The following NBEA variants were observed in gnomAD, a reference collection of about 807,000 sequenced individuals.
NBEA encodes lysosomal-trafficking regulator 2.
In NBEA, 44 loss-of-function variants were observed where a neutral mutation model predicts 343.4. The ratio of observed to expected loss-of-function variants is 0.13; its 90% CI spans 0.10 to 0.16. NBEA has a LOEUF of 0.16. Among genes scored for constraint, NBEA ranks in the 10% least tolerant of loss-of-function variants. The pLI is 1.00. For missense variants in NBEA, 2,555 were observed against 3,631.3 expected, an observed-to-expected ratio of 0.70 and a Z score of 7.62; for synonymous variants, 1,175 against 1,238.7, an observed-to-expected ratio of 0.95 and a Z score of 1.08.
At chr13:35,580,851 T>G (rs1030444315) in intron 45 of NBEA, among the ~76,000 whole-genome samples, 1 of 152,206 alleles carries the variant, frequency 6.6e-6, no homozygotes, top group Non-Finnish European at 1.5e-5. Flanking sequence ...AAAGCATTAC[T>G]CTGTAAAACA....
chr13:35,555,360 A>C (rs1260548825), intron 44 of NBEA, among the ~76,000 whole-genome samples: 1 of 152,092 alleles, frequency 6.6e-6, no homozygotes, highest in East Asian at 1.9e-4. Context: ...GGTTTATTAG[A>C]GTCAACAAAC....
intron 53 of NBEA, among the ~76,000 whole-genome samples, chr13:35,653,328 C>CT (rs139682136): frequency 0.011 from 1,288 of 114,014 alleles, 18 homozygotes; most frequent in Middle Eastern, 0.028. Context: ...TTCTTGGGTT[C>CT]TTTTTTTTTT....
In NBEA at chr13:34,942,961, G is replaced by A; in HGVS notation, c.141G>A (p.Gly47=). 6.3e-7 allele frequency: 1 copy of A among 1,599,466 alleles called. No homozygotes were observed. The highest frequency in any genetic ancestry group is 8.5e-7 in the Non-Finnish European group (1 of 1,173,324). The change falls in exon 1 of 59, where the codon GGG becomes GGA. Residue 47 remains glycine, a synonymous_variant. Coordinates refer to ENST00000379939, the MANE Select transcript of NBEA (RefSeq NM_001385012.1). ...GCAGCGGGATGGGGGAGCTAAGGGG[G>A]GCGTCCGGCTCCGGCTCGGTGATGC... ...TGGSGMGELR[G]ASGSGSVMLP...
At chr13:35,034,397 T>C (rs2062360613) in intron 1 of NBEA, among the ~76,000 whole-genome samples, 1 of 152,022 alleles carries the variant, frequency 6.6e-6, no homozygotes, top group Non-Finnish European at 1.5e-5. Context: ...AATGTATTGT[T>C]GAATTTGGTG....
intron 1 of NBEA, among the ~76,000 whole-genome samples, chr13:35,010,296 G>T (rs992218740): frequency 1.3e-5 from 2 of 152,122 alleles, no homozygotes; most frequent in Non-Finnish European, 2.9e-5. Flanking sequence ...ACTCAATAAA[G>T]AAGGTAGATG....
intron 33 of NBEA, among the ~76,000 whole-genome samples, chr13:35,225,272 G>A (rs1325670968): frequency 6.6e-6 from 1 of 152,000 alleles, no homozygotes; most frequent in Non-Finnish European, 1.5e-5. Flanking sequence ...ACATGATTGG[G>A]GATCTGTAAA....
intron 10 of NBEA, among the ~76,000 whole-genome samples, chr13:35,076,710 C>T (rs572162396): frequency 1.3e-5 from 2 of 152,014 alleles, no homozygotes; most frequent in Non-Finnish European, 2.9e-5. Context: ...ATTCTGGCGA[C>T]CATGGACACA....
At position 35,281,051 on chromosome 13, in the gene NBEA, C is replaced by A. The variant is rs548981517; in HGVS notation, c.5777-9338C>A. Among the ~76,000 whole-genome samples the A allele has an allele frequency of 8.6e-5, 13 of 151,968 alleles. No homozygotes were observed. The South Asian group carries it at 2.7e-3, about 32-fold the overall frequency. Reference sequence around the variant, plus strand: ...TAGAACTTGACTCTTAAGATCTCACCATGAATTGTGGATAGTTGTGATTTG... The same window carrying A: ...TAGAACTTGACTCTTAAGATCTCACAATGAATTGTGGATAGTTGTGATTTG... On this transcript the variant is annotated intron_variant, in intron 34 of 58. Transcript: ENST00000379939.
At chr13:35,119,277 G>A (rs1394919756) in intron 16 of NBEA, among the ~76,000 whole-genome samples, 5 of 152,134 alleles carry the variant, frequency 3.3e-5, no homozygotes, top group African/African-American at 4.8e-5. Context: ...GGGATGAGCA[G>A]GATATCGAGG....
chr13:35,060,737 A>T (rs1032237641), intron 8 of NBEA, among the ~76,000 whole-genome samples: 4 of 151,480 alleles, frequency 2.6e-5, no homozygotes, highest in African/African-American at 9.7e-5. Context: ...AAATTCAGAG[A>T]ATATAGGGAA....
intron 47 of NBEA, among the ~76,000 whole-genome samples, chr13:35,602,259 A>T (rs58606395): frequency 1.3e-5 from 2 of 152,358 alleles, no homozygotes; most frequent in East Asian, 3.9e-4. Flanking sequence ...AATATAAATT[A>T]TACTAATGTC....
intron 41 of NBEA, among the ~76,000 whole-genome samples, chr13:35,531,599 C>A (rs2078266031): frequency 6.6e-6 from 1 of 152,120 alleles, no homozygotes; most frequent in African/African-American, 2.4e-5. Context: ...GCTTTAGTTC[C>A]CCGTCTCTAT....
intron 36 of NBEA, among the ~76,000 whole-genome samples, chr13:35,326,767 C>G (rs914618802): frequency 1.3e-5 from 2 of 151,818 alleles, no homozygotes; most frequent in Non-Finnish European, 2.9e-5. Flanking sequence ...GCAATTACAA[C>G]AAAAACAAAA....
At chr13:35,603,351 T>A (rs1341854010) in intron 47 of NBEA, among the ~76,000 whole-genome samples, 3 of 152,196 alleles carry the variant, frequency 2.0e-5, no homozygotes, top group Non-Finnish European at 2.9e-5. Flanking sequence ...AACTTTGCGT[T>A]TGCCCAGATT....
At chr13:35,247,243 G>T (rs894911627) in intron 34 of NBEA, among the ~76,000 whole-genome samples, 5 of 152,138 alleles carry the variant, frequency 3.3e-5, no homozygotes, top group Non-Finnish European at 1.5e-5. Flanking sequence ...GGGCTTCTGC[G>T]TCTCCTGCCT....
chr13:35,479,956 A>C (rs747459653), intron 41 of NBEA, among the ~76,000 whole-genome samples: 3 of 151,818 alleles, frequency 2.0e-5, no homozygotes, highest in Non-Finnish European at 4.4e-5. Flanking sequence ...ATAGTTTGAA[A>C]TGCTTATATT....
chr13:35,215,465 A>T (rs1055607299), intron 33 of NBEA, among the ~76,000 whole-genome samples: 1 of 151,732 alleles, frequency 6.6e-6, no homozygotes, highest in African/African-American at 2.4e-5. Flanking sequence ...AAAAGAGTAC[A>T]TAGTGTATGA....
In NBEA at chr13:35,496,786, G is replaced by A. The variant is rs545906040; in HGVS notation, c.6585+24250G>A. On this transcript the variant is annotated intron_variant, in intron 41 of 58. Coordinates refer to ENST00000379939, the MANE Select transcript of NBEA (RefSeq NM_001385012.1). ...GAAGCCTTAATAACTGGAGCAGCTTGGTGTGCAGGCACCTCTACCGCTCCC... is the reference window on the plus strand; with the variant it reads ...GAAGCCTTAATAACTGGAGCAGCTTAGTGTGCAGGCACCTCTACCGCTCCC... Among the ~76,000 whole-genome samples, 40 of 152,002 alleles carry A rather than the reference G, an allele frequency of 2.6e-4. 1 individual carries two copies. The South Asian group carries it at 8.1e-3, about 31-fold the overall frequency.
chr13:35,384,970 C>T (rs775842064), intron 38 of NBEA, among the ~76,000 whole-genome samples: 1 of 152,140 alleles, frequency 6.6e-6, no homozygotes, highest in African/African-American at 2.4e-5. Flanking sequence ...AAAATATTAT[C>T]TACTTTTTGA....
Sources: allele counts gnomAD v4.1 joint callset (sites outside exome capture counted in the v4.1 genomes callset), GRCh38; gene constraint gnomAD v4.1.1; transcripts MANE v1.5; gene names NCBI Gene and HGNC (gene_info 2026-07-23, HGNC 2026-07-21).